Variants in SNED1 observed in about 807,000 individuals in gnomAD.
SNED1 encodes sushi, nidogen and EGF like domains 1.
A neutral mutation model predicts 166.7 loss-of-function variants in SNED1; 81 were observed. That is an observed-to-expected ratio of 0.49 (90% confidence interval 0.41 to 0.58). SNED1 has a LOEUF of 0.58. SNED1 is among the 20% of genes least tolerant of loss of function. The probability of loss-of-function intolerance (pLI) is 0.00; values close to 1 mark genes in which losing one functional copy is unlikely to be tolerated. For synonymous variants in SNED1, 762 were observed against 822.0 expected, an observed-to-expected ratio of 0.93 and a Z score of 1.25; for missense variants, 1,604 against 2,000.2, an observed-to-expected ratio of 0.80 and a Z score of 3.78.
chr2:241,046,571 T>A (rs888436897), intron 8 of SNED1, among the ~76,000 whole-genome samples: 1 of 152,204 alleles, frequency 6.6e-6, no homozygotes, highest in Admixed American at 6.5e-5. Flanking sequence ...CCTGTATGGT[T>A]CCACTAAATG....
chr2:241,017,102 T>C (rs139657903), intron 1 of SNED1, among the ~76,000 whole-genome samples: 415 of 152,110 alleles, frequency 2.7e-3, no homozygotes, highest in Non-Finnish European at 4.6e-3. Context: ...CCACCCACCT[T>C]GGCCTCCCAA....
rs758092917 is a variant in SNED1, at chr2:241,053,254, A to G, written c.2185A>G (p.Ser729Gly). 5 of 1,606,354 alleles carry G rather than the reference A, an allele frequency of 3.1e-6. No individual in the cohort carries two copies. In the Admixed American group the frequency reaches 5.0e-5, roughly 16 times the overall value. ...CCTGTATGCATGTGACCGTGGCTAC[A>G]GCCTGAGCGCCCCCAGCCGCATCCG... The part of the protein sequence containing the change: ...VALYACDRGY[S>G]LSAPSRIRVC... Residue 729 changes from serine (S) to glycine (G), a missense_variant, in exon 16 of 32, where the codon AGC becomes GGC. Ser to Gly is a moderately conservative substitution (Grantham distance 56). This residue lies in a region of SNED1 where 1,237 missense variants were observed against 1,620.8 expected (regional missense o/e 0.76). Coordinates refer to ENST00000310397, the MANE Select transcript of SNED1 (RefSeq NM_001080437.3).
intron 16 of SNED1, among the ~76,000 whole-genome samples, chr2:241,056,657 T>C (rs555490820): frequency 1.1e-4 from 16 of 144,722 alleles, no homozygotes; most frequent in Middle Eastern, 3.6e-3. Flanking sequence ...CTCGGCTCAC[T>C]GCAATCTCCG....
In SNED1 at chr2:241,093,435, A is replaced by C. The variant is rs1049158452; in HGVS notation, c.*1799A>C. ...CCCCTCAGCCACACAGCAAATGCTA[A>C]TATGCTCCAGTGTTAGCTTAGAAGC... On this transcript the variant is annotated 3_prime_UTR_variant, in exon 32 of 32. Transcript: ENST00000310397. 2 of 150,686 alleles carry C rather than the reference A, an allele frequency of 1.3e-5. No homozygotes were observed. Among genetic ancestry groups the C allele is most frequent in the African/African-American group, 5.0e-5 (2 of 39,942 alleles). The allele number at this position is 150,686 out of a possible 1,614,324, so 9.3% of individuals were successfully genotyped here. A position where few individuals can be genotyped will look rare whatever the true frequency, so the allele number is the denominator to read the frequency against.
At chr2:241,026,114 C>T (rs189376032) in intron 1 of SNED1, among the ~76,000 whole-genome samples, 62 of 141,470 alleles carry the variant, frequency 4.4e-4, no homozygotes, top group Non-Finnish European at 2.7e-4. Flanking sequence ...CTCCCGGGTT[C>T]AAGCAATTCT....
chr2:241,032,489 T>TG (rs1221590878), intron 2 of SNED1, among the ~76,000 whole-genome samples: 12 of 30,098 alleles, frequency 4.0e-4, no homozygotes, highest in African/African-American at 1.1e-3. Flanking sequence ...TGTCGTGGGG[T>TG]GGGGGGGTCG....
At chr2:241,087,706 G>C (rs1214909681) in intron 30 of SNED1, 1 of 1,361,308 alleles carries the variant, frequency 7.3e-7, no homozygotes, top group Admixed American at 3.5e-5. Context: ...GCTGGGGGGG[G>C]TCACTCTGGT....
intron 26 of SNED1, chr2:241,072,362 G>A (rs1575065871): frequency 2.7e-6 from 1 of 374,908 alleles, no homozygotes; most frequent in East Asian, 7.2e-5. Flanking sequence ...TTCCCACCGG[G>A]TTTACTGGGT....
In SNED1 at chr2:241,057,380, A is replaced by AATATATATATATATATATAT. The variant is rs57902432; in HGVS notation, c.2257+4067_2257+4086dup. On this transcript the variant is annotated intron_variant, in intron 16 of 31. Transcript: ENST00000310397. Reference sequence around the variant, plus strand: ...GGCGACGAGCAAAACTCCATCTCAAAATATATATATATATATATATATATA... The same window carrying AATATATATATATATATATAT: ...GGCGACGAGCAAAACTCCATCTCAAAATATATATATATATATATATATATATATATATATATATATATATA... 3.5e-3 allele frequency among the ~76,000 whole-genome samples: 411 copies of AATATATATATATATATATAT among 117,972 alleles called. 6 individuals are homozygous for AATATATATATATATATATAT. Among genetic ancestry groups the AATATATATATATATATATAT allele is most frequent in the East Asian group, 0.011 (37 of 3,484 alleles). 77.4% of individuals were successfully genotyped at this position (117,972 alleles called of 152,430 possible).
At chr2:241,000,870 C>T (rs1432032914) in intron 1 of SNED1, among the ~76,000 whole-genome samples, 1 of 152,216 alleles carries the variant, frequency 6.6e-6, no homozygotes, top group Admixed American at 6.5e-5. Flanking sequence ...CAGCAGGAGG[C>T]TTGAGGCTGC....
At chr2:241,039,571 C>A (rs2061464924) in intron 6 of SNED1, among the ~76,000 whole-genome samples, 1 of 152,026 alleles carries the variant, frequency 6.6e-6, no homozygotes, top group Non-Finnish European at 1.5e-5. Flanking sequence ...TAGCTCACTC[C>A]CACTCAGTAA....
intron 27 of SNED1, among the ~76,000 whole-genome samples, chr2:241,080,468 G>A (rs978224719): frequency 1.3e-5 from 2 of 152,162 alleles, no homozygotes; most frequent in African/African-American, 4.8e-5. Context: ...GTGGGCTCTA[G>A]ATCTCGTTCT....
chr2:241,076,947 C>T (rs1487704118), intron 27 of SNED1, among the ~76,000 whole-genome samples: 4 of 152,098 alleles, frequency 2.6e-5, no homozygotes, highest in Non-Finnish European at 4.4e-5. Context: ...GGCATGGTGG[C>T]GGGCGCCTGT....
rs184818712 is a variant in SNED1 at position 241,007,488 on chromosome 2, T to G, written c.213+8438T>G. Among the ~76,000 whole-genome samples the G allele has an allele frequency of 8.5e-5, 13 of 152,342 alleles. No individual in the cohort carries two copies. The East Asian group carries it at 2.5e-3, about 29-fold the overall frequency. ...TTAAATGTATTTATTTTTGTCTGTT[T>G]TGTTCGCTGTGCTGTCAGGCTTCCG... On this transcript the variant is annotated intron_variant, in intron 1 of 31. Transcript: ENST00000310397.
At chr2:241,060,954 A>G (rs954125504) in intron 16 of SNED1, among the ~76,000 whole-genome samples, 1 of 152,154 alleles carries the variant, frequency 6.6e-6, no homozygotes, top group Non-Finnish European at 1.5e-5. Flanking sequence ...AAAAAAAACT[A>G]TATAATTTTG....
intron 6 of SNED1, among the ~76,000 whole-genome samples, chr2:241,038,906 G>A (rs73110163): frequency 4.1e-4 from 62 of 152,322 alleles, no homozygotes; most frequent in African/African-American, 1.1e-3. Flanking sequence ...GCTGCTCCTC[G>A]GCTATGCCCC....
chr2:241,071,328 G>A, intron 24 of SNED1: 1 of 580,948 alleles, frequency 1.7e-6, no homozygotes, highest in South Asian at 2.0e-5. Flanking sequence ...ATGACTCCCA[G>A]GCCAGTGCAC....
rs1222158224 is a variant in SNED1 at position 240,999,002 on chromosome 2, G to A, written c.165G>A (p.Pro55=). Residue 55 remains proline (P), a synonymous_variant, in exon 1 of 32, where the codon CCG becomes CCA. Coordinates refer to ENST00000310397, the MANE Select transcript of SNED1 (RefSeq NM_001080437.3). The surrounding 1 kb of genome is among the most constrained non-coding windows in gnomAD (Gnocchi z 5.8). ...KQDDGGSGLR[P]LSVPFPFFGA... is the part of the protein sequence containing the mutation. ...ACGACGGCGGCTCGGGGCTGCGGCC[G>A]CTCTCGGTGCCCTTCCCGTTCTTCG... 27 of 1,324,318 alleles carry A rather than the reference G, an allele frequency of 2.0e-5. No individual in the cohort carries two copies. The highest frequency in any genetic ancestry group is 2.3e-5 in the Non-Finnish European group (24 of 1,034,064). The allele number at this position is 1,324,318 out of a possible 1,614,324, so 82.0% of individuals were successfully genotyped here.
In SNED1 at chr2:241,063,573, C is replaced by G. The variant is rs1353791272; in HGVS notation, c.2372-14C>G. 1.3e-6 allele frequency: 2 copies of G among 1,572,836 alleles called. No individual in the cohort carries two copies. Among genetic ancestry groups the G allele is most frequent in the South Asian group, 2.3e-5 (2 of 86,950 alleles). ...TTGAGCCAGCAACACCCTTGACACC[C>G]CTTCTCTGTGCAGAGAGGGATGAGT... On this transcript the variant is annotated splice_polypyrimidine_tract_variant and intron_variant, in intron 17 of 31. Transcript: ENST00000310397.
Sources: gnomAD v4.1 joint callset for allele counts (sites outside exome capture counted in the v4.1 genomes callset) on GRCh38, gnomAD v4.1.1 for gene constraint, gnomAD v4.1.1 regional missense constraint, Gnocchi (gnomAD v3.1) non-coding constraint, MANE v1.5 for transcripts, NCBI Gene and HGNC (gene_info 2026-07-23, HGNC 2026-07-21) for gene names.